TRMT13: variants seen among roughly 807,000 people sequenced by gnomAD.
The protein encoded by TRMT13 is tRNA:m(4)X modification enzyme TRM13 homolog.
Under a neutral mutation model 55.9 loss-of-function variants are expected in TRMT13, and 45 were observed. That is an observed-to-expected ratio of 0.80 (90% confidence interval 0.63 to 1.03). The LOEUF (loss-of-function observed/expected upper bound fraction) is 1.03. Among genes scored for constraint, TRMT13 ranks in the 50% least tolerant of loss-of-function variants. TRMT13 has a pLI of 0.00. For missense variants in TRMT13, 513 were observed against 563.9 expected (o/e 0.91, Z 0.91); for synonymous variants, 183 against 196.3 (o/e 0.93, Z 0.57).
At chr1:100,137,666 G>A (rs1056802713) in intron 3 of TRMT13, among the ~76,000 whole-genome samples, 7 of 152,104 alleles carry the variant, frequency 4.6e-5, no homozygotes, top group African/African-American at 1.4e-4. Flanking sequence ...CCTTGAAAAG[G>A]TAGTCTGGGA....
chr1:100,136,914 T>C lies in TRMT13; in HGVS notation c.180T>C (p.Pro60=). 1 of 1,603,478 alleles carries C rather than the reference T, an allele frequency of 6.2e-7. No individual in the cohort carries two copies. The highest frequency in any genetic ancestry group is 8.5e-7 in the Non-Finnish European group (1 of 1,176,684). ...ATGCTCGGAAAAGAATCCTGTGTCC[T>C]TTAGATCCAAAACAGTAAGTGTGGA... ...EEDARKRILC[P]LDPKHTVYED... The change falls in exon 2 of 11, where the codon CCT becomes CCC. Residue 60 remains proline, a synonymous_variant. Transcript: ENST00000370141.
rs1553219167 is a variant in TRMT13 at position 100,133,314 on chromosome 1, A to G, written c.146A>G (p.Glu49Gly). ...RFCGEHAGAA[E>G]EEDARKRILC... ...TGTGGTGAACACGCTGGAGCCGCGG[A>G]GGTGTGGTATCGCCCTACTCTCTCA... Residue 49 changes from glutamate to glycine, a missense_variant and splice_region_variant, in exon 1 of 11, where the codon GAG (glutamate) becomes GGG (glycine). Transcript: ENST00000370141. The G allele has an allele frequency of 8.1e-6, 13 of 1,613,882 alleles. No homozygotes were observed. In the South Asian group the frequency reaches 1.4e-4, roughly 18 times the overall value.
rs1342733144 is a variant in TRMT13 at position 100,148,895 on chromosome 1, A to G, written c.*75A>G. On this transcript the variant is annotated 3_prime_UTR_variant, in exon 11 of 11. Coordinates refer to ENST00000370141, the MANE Select transcript of TRMT13 (RefSeq NM_019083.3). ...AATTATATTTTTATATCAAAAAAATATATACTTTAAATAGCAAATAATATG... is the reference window on the plus strand; with the variant it reads ...AATTATATTTTTATATCAAAAAAATGTATACTTTAAATAGCAAATAATATG... The G allele has an allele frequency of 3.6e-6, 4 of 1,120,496 alleles. No homozygotes were observed. Among genetic ancestry groups the G allele is most frequent in the Non-Finnish European group, 4.7e-6 (4 of 853,592 alleles). 69.4% of individuals were successfully genotyped at this position (1,120,496 alleles called of 1,614,324 possible).
At chr1:100,137,111 A>T in intron 3 of TRMT13, 26 bp downstream of exon 3, 1 of 1,581,908 alleles carries the variant, frequency 6.3e-7, no homozygotes, top group Non-Finnish European at 8.6e-7. Flanking sequence ...GTAAAATTGA[A>T]TGGTGAAATG....
chr1:100,139,423 A>T (rs1309889122), intron 3 of TRMT13, among the ~76,000 whole-genome samples: 1 of 152,206 alleles, frequency 6.6e-6, no homozygotes, highest in Non-Finnish European at 1.5e-5. Context: ...AGATCCACGA[A>T]CACATATTTT....
rs1657699318 is a variant in TRMT13, at chr1:100,149,209, G to A, written c.*389G>A. The A allele has an allele frequency of 6.7e-7, 1 of 1,491,168 alleles. No individual in the cohort carries two copies. The highest frequency in any genetic ancestry group is 8.9e-7 in the Non-Finnish European group (1 of 1,125,416). 92.4% of individuals were successfully genotyped at this position (1,491,168 alleles called of 1,614,324 possible). Reference sequence around the variant, plus strand: ...AATATTTTTTATTTCTTAAGTTCAAGAGGTAGTGATTGATTGTAACAAGGG... The same window carrying A: ...AATATTTTTTATTTCTTAAGTTCAAAAGGTAGTGATTGATTGTAACAAGGG... On this transcript the variant is annotated 3_prime_UTR_variant, in exon 11 of 11. Transcript: ENST00000370141.
At chr1:100,135,610 A>G (rs1557904381) in intron 1 of TRMT13, among the ~76,000 whole-genome samples, 1 of 152,158 alleles carries the variant, frequency 6.6e-6, no homozygotes, top group Non-Finnish European at 1.5e-5. Context: ...TTTTGTTCTC[A>G]TCTTTCAGAT....
At chr1:100,146,451 A>G (rs1657256248) in intron 9 of TRMT13, among the ~76,000 whole-genome samples, 1 of 152,170 alleles carries the variant, frequency 6.6e-6, no homozygotes, top group South Asian at 2.1e-4. Flanking sequence ...GTTCTTTATA[A>G]AAGATGAATT....
chr1:100,140,553 G>A, intron 6 of TRMT13, 39 bp downstream of exon 6: 1 of 1,394,830 alleles, frequency 7.2e-7, no homozygotes, highest in Non-Finnish European at 1.0e-6. Context: ...CATGGCCTTT[G>A]TTCATTTGTT....
Position 100,148,855 on chromosome 1 carries a change from C to CA in TRMT13, c.*43dup. On this transcript the variant is annotated 3_prime_UTR_variant, in exon 11 of 11. Coordinates refer to ENST00000370141, the MANE Select transcript of TRMT13 (RefSeq NM_019083.3). ...AATTTGAGCATCATCTGTCTTCCACCAAAAAAAATTTTTTAATTATATTTT... is the reference window on the plus strand; with the variant it reads ...AATTTGAGCATCATCTGTCTTCCACCAAAAAAAAATTTTTTAATTATATTTT... The CA allele has an allele frequency of 7.6e-6, 10 of 1,309,338 alleles. No homozygotes were observed. The highest frequency in any genetic ancestry group is 4.8e-5 in the South Asian group (2 of 41,894). 81.1% of individuals were successfully genotyped at this position (1,309,338 alleles called of 1,614,324 possible).
In TRMT13 at chr1:100,133,752, A is replaced by T. The variant is rs552828669; in HGVS notation, c.147+437A>T. 1.8e-4 allele frequency among the ~76,000 whole-genome samples: 28 copies of T among 152,322 alleles called. 2 individuals are homozygous for T. In the South Asian group the frequency reaches 5.8e-3, roughly 32 times the overall value. ...GGTTGGAAGAAACTTTCTTTTAAAA[A>T]TTTAGACTTGAGGCCCGGCGCGGTG... On this transcript the variant is annotated intron_variant, in intron 1 of 10. Transcript: ENST00000370141.
Position 100,140,169 on chromosome 1 carries a change from T to G in TRMT13, c.325-13T>G, listed in dbSNP as rs1656412782. ...TTTTTGGCTACATTATTTAGTTTTATTTTTGTATATAGGTTCCAATTTCTT... is the reference window on the plus strand; with the variant it reads ...TTTTTGGCTACATTATTTAGTTTTAGTTTTGTATATAGGTTCCAATTTCTT... On this transcript the variant is annotated splice_polypyrimidine_tract_variant and intron_variant, in intron 4 of 10. Coordinates refer to ENST00000370141, the MANE Select transcript of TRMT13 (RefSeq NM_019083.3). The G allele has an allele frequency of 6.3e-7, 1 of 1,586,448 alleles. No homozygotes were observed. The highest frequency in any genetic ancestry group is 1.4e-5 in the African/African-American group (1 of 73,726).
chr1:100,141,787 G>A (rs1656669350), intron 7 of TRMT13, among the ~76,000 whole-genome samples: 1 of 152,232 alleles, frequency 6.6e-6, no homozygotes, highest in African/African-American at 2.4e-5. Flanking sequence ...GAATGACTAT[G>A]TAGAAAAGGT....
Position 100,137,041 on chromosome 1 carries a change from G to T in TRMT13, c.217G>T (p.Ala73Ser). The change falls in exon 3 of 11, where the codon GCA (alanine) becomes TCA (serine). Residue 73 changes from alanine to serine, a missense_variant. By Grantham distance (99) the Ala-to-Ser change is moderately conservative (BLOSUM62 1). Around this residue, in one of 3 missense-constraint regions of TRMT13, gnomAD observed 298 missense variants for 290.3 expected, o/e 1.03. Coordinates refer to ENST00000370141, the MANE Select transcript of TRMT13 (RefSeq NM_019083.3). ...TAGCACAGTATATGAAGATCAACTA[G>T]CAAAGCATTTGAAAAAATGTAACTC... ...PKHTVYEDQLAKHLKKCNSRE... is the reference protein window; with the variant it reads ...PKHTVYEDQLSKHLKKCNSRE... 6.2e-7 allele frequency: 1 copy of T among 1,612,596 alleles called. No individual in the cohort carries two copies. The highest frequency in any genetic ancestry group is 8.5e-7 in the Non-Finnish European group (1 of 1,179,624).
At chr1:100,139,842 T>C (rs1424675094) in intron 4 of TRMT13, 131 bp downstream of exon 4, 1 of 642,088 alleles carries the variant, frequency 1.6e-6, no homozygotes, top group Admixed American at 3.1e-5. Flanking sequence ...GTAGACTTAA[T>C]ATTGTTAGTG....
Position 100,149,517 on chromosome 1 carries a change from C to A in TRMT13, c.*697C>A. 7.6e-7 allele frequency: 1 copy of A among 1,311,304 alleles called. No homozygotes were observed. The highest frequency in any genetic ancestry group is 2.6e-5 in the East Asian group (1 of 38,194). 81.2% of individuals were successfully genotyped at this position (1,311,304 alleles called of 1,614,324 possible). The stretch of plus-strand genomic sequence containing the variant: ...GTTAGAACTTCCAAAAAGATACTTA[C>A]AAACATAATTCACAAATTTGAAATA... On this transcript the variant is annotated 3_prime_UTR_variant, in exon 11 of 11. Transcript: ENST00000370141.
rs1293601560 is a variant in TRMT13, at chr1:100,133,242, A to G, written c.74A>G (p.Lys25Arg). The G allele has an allele frequency of 2.5e-6, 4 of 1,614,140 alleles. No homozygotes were observed. The highest frequency in any genetic ancestry group is 1.6e-4 in the Middle Eastern group (1 of 6,062). The stretch of plus-strand genomic sequence containing the variant: ...GGTAGATGCGGTTACTATGTGGAAA[A>G]GAAGAAACGGTTCTGCAGGATGGTG... ...AEGRCGYYVE[K>R]KKRFCRMVVA... Residue 25 changes from lysine (K) to arginine (R), a missense_variant, in exon 1 of 11, where the codon AAG becomes AGG. Transcript: ENST00000370141.
At chr1:100,143,069 CTT>C in intron 7 of TRMT13, 66 bp from the exon 8 acceptor site, 1 of 1,072,144 alleles carries the variant, frequency 9.3e-7, no homozygotes, top group Non-Finnish European at 1.4e-6. Context: ...CAATAAAAAT[CTT>C]TTTATTTTCA....
chr1:100,137,046 G>A lies in TRMT13; in HGVS notation c.222G>A (p.Lys74=), dbSNP rs372968728. Residue 74 remains lysine (K), a synonymous_variant, in exon 3 of 11, where the codon AAG becomes AAA. Transcript: ENST00000370141. ...KHTVYEDQLA[K]HLKKCNSREK... is the part of the protein sequence containing the mutation. ...CAGTATATGAAGATCAACTAGCAAA[G>A]CATTTGAAAAAATGTAACTCAAGAG... 70 of 1,611,960 alleles carry A rather than the reference G, an allele frequency of 4.3e-5. 3 individuals are homozygous for A. The Middle Eastern group carries it at 1.6e-3, about 36-fold the overall frequency.
Sources: gnomAD v4.1 joint callset for allele counts (sites outside exome capture counted in the v4.1 genomes callset) on GRCh38, gnomAD v4.1.1 for gene constraint, gnomAD v4.1.1 regional missense constraint, MANE v1.5 for transcripts, NCBI Gene and HGNC (gene_info 2026-07-23, HGNC 2026-07-21) for gene names.